CTNNBL1: variants seen among roughly 807,000 people sequenced by gnomAD.
CTNNBL1 encodes catenin beta like 1.
CTNNBL1 carries 31 observed loss-of-function variants against 72.7 expected under a neutral mutation model. The observed-to-expected ratio is 0.43, with a 90% CI of 0.32 to 0.58. CTNNBL1 has a LOEUF of 0.58. Among genes scored for constraint, CTNNBL1 ranks in the 20% least tolerant of loss-of-function variants. The pLI is 0.08. For synonymous variants in CTNNBL1, 240 were observed against 267.3 expected (o/e 0.90, Z 1.00); for missense variants, 534 against 725.1 (o/e 0.74, Z 3.03).
At chr20:37,843,383 T>C (rs2179320) in intron 13 of CTNNBL1, among the ~76,000 whole-genome samples, 123,539 of 152,176 alleles carry the variant, frequency 0.81, 50,195 homozygotes, top group Middle Eastern at 0.89. Context: ...CGTGTTGGGA[T>C]CATCCAGCTA....
intron 11 of CTNNBL1, among the ~76,000 whole-genome samples, chr20:37,825,987 A>G (rs1356590574): frequency 1.3e-5 from 2 of 152,196 alleles, no homozygotes; most frequent in Admixed American, 6.5e-5. Context: ...GGCGGTGTAC[A>G]CACATCGCAA....
At chr20:37,830,365 T>C (rs961774713) in intron 11 of CTNNBL1, among the ~76,000 whole-genome samples, 2 of 152,160 alleles carry the variant, frequency 1.3e-5, no homozygotes, top group Middle Eastern at 3.2e-3. Context: ...TGCCAAAGAT[T>C]CCTAAAAGCC....
chr20:37,777,816 C>A, intron 9 of CTNNBL1, 104 bp downstream of exon 9: 1 of 1,153,062 alleles, frequency 8.7e-7, no homozygotes, highest in Non-Finnish European at 1.3e-6. Flanking sequence ...GTGCTGCAAG[C>A]CATATGGAGC....
At chr20:37,782,596 T>C (rs1318895669) in intron 10 of CTNNBL1, among the ~76,000 whole-genome samples, 1 of 152,154 alleles carries the variant, frequency 6.6e-6, no homozygotes, top group Non-Finnish European at 1.5e-5. Context: ...ATTTAAAGGG[T>C]TAAAAGAAAC....
Position 37,717,681 on chromosome 20 carries a change from A to G in CTNNBL1, c.31-15198A>G, listed in dbSNP as rs577524916. Among the ~76,000 whole-genome samples the G allele has an allele frequency of 1.6e-3, 243 of 151,668 alleles. 1 individual carries two copies. Among genetic ancestry groups the G allele is most frequent in the African/African-American group, 5.4e-3 (224 of 41,258 alleles). ...GGGGGATTTGGCAGGGTCATAGGAC[A>G]ATAGTGGAGGGAAGGTCAGCAGATA... On this transcript the variant is annotated intron_variant, in intron 1 of 15. Transcript: ENST00000361383.
chr20:37,781,840 A>G (rs1203311522), intron 10 of CTNNBL1, among the ~76,000 whole-genome samples: 1 of 152,204 alleles, frequency 6.6e-6, no homozygotes. Context: ...TGACTCAGTC[A>G]TTCATCAGAC....
rs1187830107 is a variant in CTNNBL1 at position 37,694,089 on chromosome 20, G to A, written c.-34G>A. 1.2e-6 allele frequency: 2 copies of A among 1,601,484 alleles called. No homozygotes were observed. Among genetic ancestry groups the A allele is most frequent in the Non-Finnish European group, 1.7e-6 (2 of 1,175,080 alleles). ...ACGGGCCCGCGGTCTGGGCGTGAGT[G>A]CAGGGAAGTGGAGTATTTGCTGGGC... On this transcript the variant is annotated 5_prime_UTR_variant, in exon 1 of 16. Coordinates refer to ENST00000361383, the MANE Select transcript of CTNNBL1 (RefSeq NM_030877.5).
chr20:37,787,641 GC>G (rs2073690437), intron 10 of CTNNBL1, among the ~76,000 whole-genome samples: 1 of 152,174 alleles, frequency 6.6e-6, no homozygotes. Flanking sequence ...ACCGCGCCCG[GC>G]CCATAACTGT....
rs185721299 is a variant in CTNNBL1 at position 37,840,560 on chromosome 20, T to C, written c.1311+361T>C. Among the ~76,000 whole-genome samples the C allele has an allele frequency of 7.4e-4, 112 of 152,338 alleles. 2 individuals are homozygous for C. The Middle Eastern group carries it at 0.017, about 23-fold the overall frequency. On this transcript the variant is annotated intron_variant, in intron 12 of 15. Transcript: ENST00000361383. ...GAGATTTGAACCTGTTTTCGCTGCT[T>C]TTGAGATGTGTGCCACTCTGAACCT...
chr20:37,843,608 A>G (rs2072323019), intron 13 of CTNNBL1, among the ~76,000 whole-genome samples: 1 of 152,238 alleles, frequency 6.6e-6, no homozygotes, highest in South Asian at 2.1e-4. Flanking sequence ...CTAGAAGACC[A>G]GTCAGTCACT....
At chr20:37,723,170 T>C (rs1047242039) in intron 1 of CTNNBL1, among the ~76,000 whole-genome samples, 1 of 152,312 alleles carries the variant, frequency 6.6e-6, no homozygotes, top group African/African-American at 2.4e-5. Flanking sequence ...TATACACCCT[T>C]TGGTGGTGAG....
chr20:37,700,006 G>A (rs1231507978), intron 1 of CTNNBL1, among the ~76,000 whole-genome samples: 2 of 152,100 alleles, frequency 1.3e-5, no homozygotes, highest in African/African-American at 4.8e-5. Flanking sequence ...CTCTCTCTGA[G>A]GCCCCTTCTA....
chr20:37,820,815 G>T (rs1416913897), intron 11 of CTNNBL1, among the ~76,000 whole-genome samples: 1 of 152,152 alleles, frequency 6.6e-6, no homozygotes, highest in Non-Finnish European at 1.5e-5. Flanking sequence ...CCAGTCTCAG[G>T]TAGTATCTTT....
In CTNNBL1 at chr20:37,840,200, G is replaced by A. The variant is rs766905219; in HGVS notation, c.1311+1G>A. On this transcript the variant is annotated splice_donor_variant, in intron 12 of 15. Transcript: ENST00000361383. LOFTEE classifies it high-confidence loss of function. ...ATTCACTGAAAATGACAGTGAGAAG[G>A]TGGGTGACTGTTGGACTGTAAAGCT... 3 of 1,604,306 alleles carry A rather than the reference G, an allele frequency of 1.9e-6. No homozygotes were observed. Among genetic ancestry groups the A allele is most frequent in the African/African-American group, 1.3e-5 (1 of 74,714 alleles).
At chr20:37,777,512 T>G in intron 8 of CTNNBL1, 95 bp downstream of exon 8, 3 of 1,422,052 alleles carry the variant, frequency 2.1e-6, no homozygotes, top group Non-Finnish European at 3.0e-6. Context: ...GGCATCCCCT[T>G]GCTCTCCCTC....
chr20:37,785,369 T>C (rs1393811325), intron 10 of CTNNBL1, among the ~76,000 whole-genome samples: 2 of 152,252 alleles, frequency 1.3e-5, no homozygotes, highest in Non-Finnish European at 2.9e-5. Context: ...CCAATATCTC[T>C]ATCTCCTCTT....
chr20:37,794,624 C>G lies in CTNNBL1; in HGVS notation c.1032-8243C>G, dbSNP rs536667955. On this transcript the variant is annotated intron_variant, in intron 10 of 15. Transcript: ENST00000361383. ...TCTTCTACCTCAACTTCTTGAGTAG[C>G]TGGGATTACAGGTACCCACCACGAC... 1.5e-3 allele frequency among the ~76,000 whole-genome samples: 227 copies of G among 152,190 alleles called. 1 individual carries two copies. The highest frequency in any genetic ancestry group is 6.8e-3 in the Middle Eastern group (2 of 294).
intron 5 of CTNNBL1, among the ~76,000 whole-genome samples, chr20:37,764,869 G>A (rs2073451591): frequency 6.6e-6 from 1 of 152,126 alleles, no homozygotes; most frequent in Admixed American, 6.5e-5. Flanking sequence ...GAAGGAGAAC[G>A]AGCACAGGGC....
At chr20:37,775,669 C>G (rs1447001956) in intron 7 of CTNNBL1, among the ~76,000 whole-genome samples, 2 of 152,320 alleles carry the variant, frequency 1.3e-5, no homozygotes, top group East Asian at 3.9e-4. Flanking sequence ...GAGTTCAGAT[C>G]TAAGTTACCC....
Sources: gnomAD v4.1 joint callset for allele counts (sites outside exome capture counted in the v4.1 genomes callset) on GRCh38, gnomAD v4.1.1 for gene constraint, MANE v1.5 for transcripts, NCBI Gene and HGNC (gene_info 2026-07-23, HGNC 2026-07-21) for gene names.